The following CEP15 variants were observed in gnomAD, a reference collection of about 807,000 sequenced individuals.
The protein encoded by CEP15 is centrosomal protein 15 kDa.
At chr3:62,332,839 T>C in the CEP15 span, among the ~76,000 whole-genome samples, 2 of 152,178 alleles carry the variant, frequency 1.3e-5, no homozygotes, top group Non-Finnish European at 2.9e-5. Flanking sequence ...AAGCATGATT[T>C]ATGTTTGATA....
chr3:62,321,589 A>G, the CEP15 span, among the ~76,000 whole-genome samples: 1 of 152,206 alleles, frequency 6.6e-6, no homozygotes, highest in Non-Finnish European at 1.5e-5. The surrounding 1 kb of genome is among the most constrained non-coding windows in gnomAD (Gnocchi z 4.1). Flanking sequence ...ACAAAGGGAT[A>G]TGTATTACAG....
chr3:62,329,939 T>C, the CEP15 span, among the ~76,000 whole-genome samples: 2 of 152,198 alleles, frequency 1.3e-5, no homozygotes, highest in Non-Finnish European at 2.9e-5. Flanking sequence ...ACAAATGTTA[T>C]TAGGCTTCTG....
chr3:62,325,253 G>C, the CEP15 span, among the ~76,000 whole-genome samples: 2 of 152,054 alleles, frequency 1.3e-5, no homozygotes, highest in East Asian at 3.9e-4. Flanking sequence ...CATACCCTCT[G>C]AATTGAGTCT....
At chr3:62,325,476 A>G in the CEP15 span, among the ~76,000 whole-genome samples, 3 of 152,166 alleles carry the variant, frequency 2.0e-5, no homozygotes, top group African/African-American at 7.2e-5. Context: ...TAGTAAATGA[A>G]TAGATATGAA....
At chr3:62,324,839 C>A in the CEP15 span, among the ~76,000 whole-genome samples, 1 of 152,200 alleles carries the variant, frequency 6.6e-6, no homozygotes, top group East Asian at 1.9e-4. Flanking sequence ...ATTATTTGAC[C>A]TTATTTAGAT....
chr3:62,323,053 A>G, the CEP15 span, among the ~76,000 whole-genome samples: 1 of 152,238 alleles, frequency 6.6e-6, no homozygotes, highest in Non-Finnish European at 1.5e-5. Context: ...AAACTAAATT[A>G]GAAGGCTTAA....
chr3:62,321,916 C>CT, the CEP15 span: 1 of 1,558,044 alleles, frequency 6.4e-7, no homozygotes, highest in South Asian at 1.2e-5. This position sits in a 1 kb window ranked among gnomAD's most constrained non-coding sequence, Gnocchi z 4.1. Flanking sequence ...ATATAATCTT[C>CT]GTTTTTTTTC....
the CEP15 span, among the ~76,000 whole-genome samples, chr3:62,329,092 C>T: frequency 1.3e-5 from 2 of 152,030 alleles, no homozygotes; most frequent in African/African-American, 4.8e-5. Context: ...AGTAAGTACT[C>T]CTCAAGTATT....
At chr3:62,335,358 C>T in the CEP15 span, 1 of 151,798 alleles carries the variant, frequency 6.6e-6, no homozygotes, top group Non-Finnish European at 1.5e-5. Context: ...TTGTTAATAC[C>T]TCAAAAACTC....
At chr3:62,330,300 A>G in the CEP15 span, among the ~76,000 whole-genome samples, 5 of 152,206 alleles carry the variant, frequency 3.3e-5, no homozygotes, top group East Asian at 1.9e-4. Flanking sequence ...GATTGCTCCA[A>G]TGCTTGTACA....
chr3:62,335,912 T>G, the CEP15 span: 6 of 152,116 alleles, frequency 3.9e-5, no homozygotes, highest in Admixed American at 3.9e-4. Flanking sequence ...GCTACAGTTT[T>G]TCTTTAAACT....
chr3:62,321,867 G>A, the CEP15 span: 1 of 1,291,320 alleles, frequency 7.7e-7, no homozygotes, highest in South Asian at 1.4e-5. This position sits in a 1 kb window ranked among gnomAD's most constrained non-coding sequence, Gnocchi z 4.1. Flanking sequence ...TTTTATATTG[G>A]TCAAGCAGTA....
At chr3:62,323,531 G>C in the CEP15 span, among the ~76,000 whole-genome samples, 11 of 152,130 alleles carry the variant, frequency 7.2e-5, no homozygotes, top group African/African-American at 2.4e-4. Flanking sequence ...TTGATATATA[G>C]ACATAATTCA....
the CEP15 span, among the ~76,000 whole-genome samples, chr3:62,331,706 G>A: frequency 6.6e-6 from 1 of 152,060 alleles, no homozygotes; most frequent in African/African-American, 2.4e-5. Flanking sequence ...TAAATCATGA[G>A]ATGACAACAC....
the CEP15 span, among the ~76,000 whole-genome samples, chr3:62,321,388 T>C: frequency 6.6e-6 from 1 of 152,210 alleles, no homozygotes; most frequent in Admixed American, 6.5e-5. The surrounding 1 kb of genome is among the most constrained non-coding windows in gnomAD (Gnocchi z 4.1). Context: ...CTCACTCATA[T>C]ATCAAACCAT....
At chr3:62,321,928 A>G in the CEP15 span, 24 of 1,574,748 alleles carry the variant, frequency 1.5e-5, no homozygotes, top group Admixed American at 2.0e-5. The surrounding 1 kb of genome is among the most constrained non-coding windows in gnomAD (Gnocchi z 4.1). Flanking sequence ...TTTTTTTTCT[A>G]GAGTATCACA....
At chr3:62,329,772 A>G in the CEP15 span, among the ~76,000 whole-genome samples, 1 of 152,224 alleles carries the variant, frequency 6.6e-6, no homozygotes, top group Non-Finnish European at 1.5e-5. Context: ...ATTGTCTACA[A>G]TGCTAAGTGG....
chr3:62,333,402 C>CTA, the CEP15 span: 1 of 1,604,474 alleles, frequency 6.2e-7, no homozygotes. The surrounding 1 kb of genome is among the most constrained non-coding windows in gnomAD (Gnocchi z 4.0). Flanking sequence ...TCTTCACATG[C>CTA]TATTTCAAAA....
chr3:62,331,412 A>G, the CEP15 span: 1 of 1,610,116 alleles, frequency 6.2e-7, no homozygotes, highest in Non-Finnish European at 8.5e-7. Flanking sequence ...GAGCATCTTA[A>G]GGAACAAATG....
Sources: allele counts gnomAD v4.1 joint callset (sites outside exome capture counted in the v4.1 genomes callset), GRCh38; gene constraint gnomAD v4.1.1; non-coding constraint Gnocchi (gnomAD v3.1); transcripts MANE v1.5; gene names NCBI Gene and HGNC (gene_info 2026-07-23, HGNC 2026-07-21).